NCKAP5: variants seen among roughly 807,000 people sequenced by gnomAD.
NCKAP5 encodes NCK associated protein 5.
Under a neutral mutation model 167.0 loss-of-function variants are expected in NCKAP5, and 92 were observed. That is an observed-to-expected ratio of 0.55 (90% CI 0.47 to 0.66). The LOEUF (loss-of-function observed/expected upper bound fraction) is 0.66. NCKAP5 is among the 30% of genes least tolerant of loss of function. NCKAP5 has a pLI of 0.00. For missense variants in NCKAP5, 2,378 were observed against 2,315.0 expected, an observed-to-expected ratio of 1.03 and a Z score of -0.56; for synonymous variants, 891 against 877.4, an observed-to-expected ratio of 1.02 and a Z score of -0.27.
chr2:132,834,380 T>C (rs1429256627), intron 11 of NCKAP5, among the ~76,000 whole-genome samples: 1 of 152,154 alleles, frequency 6.6e-6, no homozygotes, highest in Non-Finnish European at 1.5e-5. Flanking sequence ...AGTCTTGCTC[T>C]GTCGCCCAGG....
At chr2:132,704,810 G>C (rs1231405397) in intron 19 of NCKAP5, among the ~76,000 whole-genome samples, 1 of 152,096 alleles carries the variant, frequency 6.6e-6, no homozygotes, top group Non-Finnish European at 1.5e-5. Flanking sequence ...CACTCTACCT[G>C]CTTTACATTC....
intron 5 of NCKAP5, among the ~76,000 whole-genome samples, chr2:133,151,839 C>A (rs985309390): frequency 1.3e-5 from 2 of 152,098 alleles, no homozygotes; most frequent in African/African-American, 4.8e-5. Flanking sequence ...CAGTGGTGTG[C>A]CCCTGTAATT....
At chr2:132,899,159 A>T (rs563754866) in intron 8 of NCKAP5, among the ~76,000 whole-genome samples, 1 of 152,222 alleles carries the variant, frequency 6.6e-6, no homozygotes, top group African/African-American at 2.4e-5. Flanking sequence ...ACATCTTTAC[A>T]TGAAGCAGTG....
At chr2:133,420,887 C>A (rs1378262491) in intron 3 of NCKAP5, among the ~76,000 whole-genome samples, 1 of 152,186 alleles carries the variant, frequency 6.6e-6, no homozygotes, top group East Asian at 1.9e-4. Flanking sequence ...CCCACTGCTG[C>A]TCAGCAGTCA....
intron 3 of NCKAP5, among the ~76,000 whole-genome samples, chr2:133,327,708 G>C (rs961965642): frequency 2.0e-5 from 3 of 152,060 alleles, no homozygotes; most frequent in African/African-American, 7.2e-5. Flanking sequence ...AAATTCTTAG[G>C]ATCTTTGTTA....
chr2:133,667,544 T>C, the NCKAP5 span, among the ~76,000 whole-genome samples: 1 of 151,964 alleles, frequency 6.6e-6, no homozygotes, highest in Non-Finnish European at 1.5e-5. Context: ...CTAAAGCCCT[T>C]GCTGACTTTC....
At position 133,289,359 on chromosome 2, in the gene NCKAP5, G is replaced by A. The variant is rs115066970; in HGVS notation, c.143+13678C>T. Among the ~76,000 whole-genome samples, 640 of 151,522 alleles carry A rather than the reference G, an allele frequency of 4.2e-3. 3 individuals carry two copies. Among genetic ancestry groups the A allele is most frequent in the Non-Finnish European group, 5.4e-3 (366 of 67,934 alleles). ...CATTGTCTTTCTTGTTACTAATCCTGTGAAAATTCACCCTCTGTTTGGCAG... is the reference window on the plus strand; with the variant it reads ...CATTGTCTTTCTTGTTACTAATCCTATGAAAATTCACCCTCTGTTTGGCAG... On this transcript the variant is annotated intron_variant, in intron 4 of 19. Transcript: ENST00000409261.
chr2:132,856,110 C>A (rs1358135144), intron 11 of NCKAP5, among the ~76,000 whole-genome samples: 1 of 152,162 alleles, frequency 6.6e-6, no homozygotes, highest in East Asian at 1.9e-4. Context: ...CTTGCATAGA[C>A]CACTGATACT....
intron 5 of NCKAP5, among the ~76,000 whole-genome samples, chr2:133,169,961 T>C (rs74585788): frequency 1.8e-3 from 281 of 152,306 alleles, no homozygotes; most frequent in African/African-American, 6.6e-3. Flanking sequence ...GAAGTTGCAC[T>C]ATATTCCCAA....
At position 132,782,975 on chromosome 2, in the gene NCKAP5, C is replaced by T. The variant is rs572161564; in HGVS notation, c.3836G>A (p.Ser1279Asn). The change falls in exon 14 of 20, where the codon AGT (serine) becomes AAT (asparagine). Residue 1279 changes from serine (S) to asparagine (N), a missense_variant. By Grantham distance (46) the Ser-to-Asn change is conservative. Transcript: ENST00000409261. ...NGAKARSHSFSTHSGDKPSTP... is the reference protein window; with the variant it reads ...NGAKARSHSFNTHSGDKPSTP... ...AGAAGGCTTGTCTCCTGAGTGTGTACTGAAGCTGTGGCTGCGGGCTTTGGC... is the reference window on the plus strand; with the variant it reads ...AGAAGGCTTGTCTCCTGAGTGTGTATTGAAGCTGTGGCTGCGGGCTTTGGC... 1 of 1,613,838 alleles carries T rather than the reference C, an allele frequency of 6.2e-7. No homozygotes were observed. Among genetic ancestry groups the T allele is most frequent in the African/African-American group, 1.3e-5 (1 of 74,928 alleles).
At chr2:132,887,799 A>T (rs1368182203) in intron 8 of NCKAP5, among the ~76,000 whole-genome samples, 1 of 152,164 alleles carries the variant, frequency 6.6e-6, no homozygotes, top group African/African-American at 2.4e-5. Flanking sequence ...GGCATGTGCC[A>T]ACATACTCCA....
chr2:133,068,068 T>G (rs1204944761), intron 6 of NCKAP5, among the ~76,000 whole-genome samples: 1 of 152,158 alleles, frequency 6.6e-6, no homozygotes, highest in Non-Finnish European at 1.5e-5. Flanking sequence ...TCCACCCATA[T>G]TCCCAGCAGA....
chr2:133,025,135 CA>C (rs1197572260), intron 6 of NCKAP5, among the ~76,000 whole-genome samples: 6 of 152,276 alleles, frequency 3.9e-5, no homozygotes, highest in African/African-American at 1.4e-4. Flanking sequence ...TATTACCATC[CA>C]ATTTTCTCCA....
At chr2:132,685,172 C>T (rs983592508) in intron 19 of NCKAP5, among the ~76,000 whole-genome samples, 1 of 152,134 alleles carries the variant, frequency 6.6e-6, no homozygotes, top group African/African-American at 2.4e-5. Context: ...ACCAGCTTGT[C>T]CAGAAATCCC....
At chr2:133,205,262 A>C (rs2085892640) in intron 5 of NCKAP5, among the ~76,000 whole-genome samples, 1 of 150,028 alleles carries the variant, frequency 6.7e-6, no homozygotes, top group Non-Finnish European at 1.5e-5. Flanking sequence ...ACTGCACTCC[A>C]GTCTGGGTAA....
At chr2:133,515,670 G>A (rs1683919907) in intron 3 of NCKAP5, among the ~76,000 whole-genome samples, 1 of 152,226 alleles carries the variant, frequency 6.6e-6, no homozygotes, top group African/African-American at 2.4e-5. Context: ...GACTGGTAAT[G>A]TGACAGGATT....
intron 3 of NCKAP5, among the ~76,000 whole-genome samples, chr2:133,471,989 A>G (rs897616919): frequency 6.6e-6 from 1 of 152,200 alleles, no homozygotes; most frequent in Non-Finnish European, 1.5e-5. Flanking sequence ...GTAGAAATTT[A>G]ATTGAGTAAA....
intron 8 of NCKAP5, among the ~76,000 whole-genome samples, chr2:132,890,866 T>A (rs139524231): frequency 6.6e-6 from 1 of 152,106 alleles, no homozygotes; most frequent in Non-Finnish European, 1.5e-5. Context: ...AATGTTATCA[T>A]CCTAGAAAAT....
chr2:133,016,159 T>A (rs1010724696), intron 6 of NCKAP5, among the ~76,000 whole-genome samples: 2 of 152,148 alleles, frequency 1.3e-5, no homozygotes, highest in African/African-American at 4.8e-5. Context: ...GTAAAATAAG[T>A]AGCCCCATGC....
Sources: allele counts gnomAD v4.1 joint callset (sites outside exome capture counted in the v4.1 genomes callset), GRCh38; gene constraint gnomAD v4.1.1; transcripts MANE v1.5; gene names NCBI Gene and HGNC (gene_info 2026-07-23, HGNC 2026-07-21).